Variants in WIPF3 observed in about 807,000 individuals in gnomAD.
The protein encoded by WIPF3 is WAS/WASL-interacting protein family member 3.
In WIPF3, 33 loss-of-function variants were observed where a neutral mutation model predicts 38.9. That is an observed-to-expected ratio of 0.85 (90% CI 0.64 to 1.14). The LOEUF (loss-of-function observed/expected upper bound fraction) is 1.14. WIPF3 is among the 50% of genes most tolerant of loss of function. WIPF3 has a pLI of 0.00. For missense variants in WIPF3, 711 were observed against 652.5 expected, an observed-to-expected ratio of 1.09 and a Z score of -0.98; for synonymous variants, 324 against 269.3, an observed-to-expected ratio of 1.20 and a Z score of -1.99.
chr7:29,826,697 A>G (rs1784621424), intron 1 of WIPF3, among the ~76,000 whole-genome samples: 1 of 152,222 alleles, frequency 6.6e-6, no homozygotes, highest in African/African-American at 2.4e-5. Context: ...CATTTATGAT[A>G]ATAAAGTTTA....
At chr7:29,808,748 C>G (rs1315634337) in intron 1 of WIPF3, among the ~76,000 whole-genome samples, 1 of 151,610 alleles carries the variant, frequency 6.6e-6, no homozygotes, top group African/African-American at 2.4e-5. Flanking sequence ...GTTATAAGAA[C>G]AGGGGAAAGC....
intron 1 of WIPF3, among the ~76,000 whole-genome samples, chr7:29,813,016 G>A (rs533912203): frequency 6.6e-5 from 10 of 152,154 alleles, no homozygotes; most frequent in Admixed American, 2.6e-4. Context: ...AAAATGTTTC[G>A]AATTAAAATC....
intron 1 of WIPF3, among the ~76,000 whole-genome samples, chr7:29,813,110 A>C (rs1428999106): frequency 6.6e-6 from 1 of 152,214 alleles, no homozygotes; most frequent in Non-Finnish European, 1.5e-5. Context: ...CCAAGGACCC[A>C]AGGGGTCACC....
chr7:29,848,647 A>G (rs527315757), intron 2 of WIPF3, among the ~76,000 whole-genome samples: 2 of 152,330 alleles, frequency 1.3e-5, no homozygotes, highest in Admixed American at 6.5e-5. Flanking sequence ...AACTGTAGAT[A>G]ATTTTACAGC....
chr7:29,838,704 CAT>C (rs750412968), intron 2 of WIPF3, among the ~76,000 whole-genome samples: 1 of 152,158 alleles, frequency 6.6e-6, no homozygotes, highest in African/African-American at 2.4e-5. Flanking sequence ...CACAGTTAAA[CAT>C]GTGCATCCTA....
intron 4 of WIPF3, among the ~76,000 whole-genome samples, chr7:29,879,590 AT>A (rs1052626916): frequency 5.2e-4 from 79 of 152,306 alleles, no homozygotes; most frequent in African/African-American, 1.9e-3. Flanking sequence ...TTAAACAATC[AT>A]TTTTTAGCCT....
At chr7:29,872,527 C>T (rs1233994269) in intron 2 of WIPF3, among the ~76,000 whole-genome samples, 1 of 152,160 alleles carries the variant, frequency 6.6e-6, no homozygotes, top group Non-Finnish European at 1.5e-5. Flanking sequence ...GGCACAGTGG[C>T]TTACGCCTGT....
In WIPF3 at chr7:29,888,033, CG is replaced by C. The variant is rs745722617; in HGVS notation, c.1100-34del. ...GGTTATAGCATCCACCATTCCCATC[CG>C]TGTTTCTGAGTACACCATCATCTTC... is the stretch of plus-strand genomic sequence containing the variant. On this transcript the variant is annotated intron_variant, in intron 5 of 8. Transcript: ENST00000242140. 7 of 1,612,784 alleles carry C rather than the reference CG, an allele frequency of 4.3e-6. No homozygotes were observed. The Admixed American group carries it at 6.7e-5, about 15-fold the overall frequency.
In WIPF3 at chr7:29,866,050, T is replaced by C. The variant is rs186345627; in HGVS notation, c.91-9780T>C. ...GGCACATGCCTGTAATCCCAGCTAC[T>C]TGGGAGGCTGAGGCAGGAGAATCGC... On this transcript the variant is annotated intron_variant, in intron 2 of 8. Coordinates refer to ENST00000242140, the MANE Select transcript of WIPF3 (RefSeq NM_001080529.3). Among the ~76,000 whole-genome samples, 339 of 152,270 alleles carry C rather than the reference T, an allele frequency of 2.2e-3. 1 individual carries two copies. The highest frequency in any genetic ancestry group is 7.8e-3 in the African/African-American group (323 of 41,552).
chr7:29,833,763 G>T (rs1388704004), intron 1 of WIPF3, among the ~76,000 whole-genome samples: 1 of 152,206 alleles, frequency 6.6e-6, no homozygotes, highest in Non-Finnish European at 1.5e-5. Context: ...CTGCCCAAGT[G>T]TAAGGTTTAT....
In WIPF3 at chr7:29,907,922, T is replaced by A. The variant is rs145808590; in HGVS notation, c.1428+3560T>A. The stretch of plus-strand genomic sequence containing the variant: ...TTTAAACATTTCACTACAAAAAAAG[T>A]CAACTAAACAGAAAAGAAAGGGTAT... On this transcript the variant is annotated intron_variant, in intron 8 of 8. Transcript: ENST00000242140. Among the ~76,000 whole-genome samples, 32 of 151,714 alleles carry A rather than the reference T, an allele frequency of 2.1e-4. No individual in the cohort carries two copies. In the East Asian group the frequency reaches 6.2e-3, roughly 29 times the overall value.
intron 2 of WIPF3, among the ~76,000 whole-genome samples, chr7:29,873,999 C>A (rs188197928): frequency 7.2e-5 from 11 of 152,236 alleles, no homozygotes; most frequent in Non-Finnish European, 1.6e-4. Context: ...TCCAGGGATC[C>A]TCTAAGGTCT....
At chr7:29,903,577 C>G (rs145087720) in intron 7 of WIPF3, among the ~76,000 whole-genome samples, 85 of 152,140 alleles carry the variant, frequency 5.6e-4, no homozygotes, top group African/African-American at 2.0e-3. Flanking sequence ...GAGGAAACAC[C>G]ATTTGGAATA....
rs549752051 is a variant in WIPF3, at chr7:29,914,454, T to A, written c.1429-39T>A. On this transcript the variant is annotated intron_variant, in intron 8 of 8. Transcript: ENST00000242140. ...GGAAGGCTTTCATGTGCAAGAGTCTTCTAACTCCACCTGGTAATGTTCTGT... is the reference window on the plus strand; with the variant it reads ...GGAAGGCTTTCATGTGCAAGAGTCTACTAACTCCACCTGGTAATGTTCTGT... The A allele has an allele frequency of 1.4e-5, 20 of 1,472,882 alleles. No individual in the cohort carries two copies. In the African/African-American group the frequency reaches 1.9e-4, roughly 14 times the overall value. 91.2% of individuals were successfully genotyped at this position (1,472,882 alleles called of 1,614,324 possible). A position where few individuals can be genotyped will look rare whatever the true frequency, so the allele number is the denominator to read the frequency against.
At chr7:29,812,338 GACT>G (rs1399669591) in intron 1 of WIPF3, among the ~76,000 whole-genome samples, 1 of 152,158 alleles carries the variant, frequency 6.6e-6, no homozygotes, top group African/African-American at 2.4e-5. Flanking sequence ...TGTGGAATTA[GACT>G]CCTAAGAAAG....
intron 2 of WIPF3, among the ~76,000 whole-genome samples, chr7:29,867,145 C>A (rs1282567013): frequency 6.6e-6 from 1 of 152,160 alleles, no homozygotes; most frequent in Non-Finnish European, 1.5e-5. Flanking sequence ...TCATTGTCAC[C>A]CATTGCATGT....
chr7:29,884,025 C>T lies in WIPF3; in HGVS notation c.531C>T (p.Pro177=). 7.5e-7 allele frequency: 1 copy of T among 1,335,768 alleles called. No individual in the cohort carries two copies. The highest frequency in any genetic ancestry group is 1.4e-5 in the South Asian group (1 of 69,608). 82.7% of individuals were successfully genotyped at this position (1,335,768 alleles called of 1,614,324 possible). A position where few individuals can be genotyped will look rare whatever the true frequency, so the allele number is the denominator to read the frequency against. ...CCAACGTGCCTGCCCCGCCCCCTCC[C>T]ACCCCACCCCCTCCGCCTCCACCCT... ...PRPNVPAPPP[P]TPPPPPPPLP... is the part of the protein sequence containing the mutation. The change falls in exon 5 of 9, where the codon CCC becomes CCT. Residue 177 remains proline, a synonymous_variant. Transcript: ENST00000242140.
At position 29,889,341 on chromosome 7, in the gene WIPF3, G is replaced by C; in HGVS notation, c.1285G>C (p.Glu429Gln). ...FESKFTFHSV[E>Q]DFPPPDEYKP... Reference sequence around the variant, plus strand: ...GTCTAAATTCACGTTCCATTCTGTGGAAGACTTTCCCCCTCCGGATGAATA... The same window carrying C: ...GTCTAAATTCACGTTCCATTCTGTGCAAGACTTTCCCCCTCCGGATGAATA... Residue 429 changes from glutamate to glutamine, a missense_variant, in exon 7 of 9, where the codon GAA becomes CAA. By Grantham distance (29) the Glu-to-Gln change is conservative (BLOSUM62 2). Coordinates refer to ENST00000242140, the MANE Select transcript of WIPF3 (RefSeq NM_001080529.3). 1 of 1,613,922 alleles carries C rather than the reference G, an allele frequency of 6.2e-7. No homozygotes were observed. The highest frequency in any genetic ancestry group is 8.5e-7 in the Non-Finnish European group (1 of 1,179,872).
rs1462729663 is a variant in WIPF3 at position 29,914,597 on chromosome 7, T to C, written c.*81T>C. Reference sequence around the variant, plus strand: ...CCCCACCCACCCCATGCTCAAGCTGTAATTCAGTTGGCATACAGGCTTGGA... The same window carrying C: ...CCCCACCCACCCCATGCTCAAGCTGCAATTCAGTTGGCATACAGGCTTGGA... On this transcript the variant is annotated 3_prime_UTR_variant, in exon 9 of 9. Transcript: ENST00000242140. 9.3e-7 allele frequency: 1 copy of C among 1,072,112 alleles called. No individual in the cohort carries two copies. The highest frequency in any genetic ancestry group is 3.4e-5 in the Admixed American group (1 of 29,336). The allele number at this position is 1,072,112 out of a possible 1,614,324, so 66.4% of individuals were successfully genotyped here.
Sources: allele counts gnomAD v4.1 joint callset (sites outside exome capture counted in the v4.1 genomes callset), GRCh38; gene constraint gnomAD v4.1.1; transcripts MANE v1.5; gene names NCBI Gene and HGNC (gene_info 2026-07-23, HGNC 2026-07-21).